The following RBFOX1 variants were observed in gnomAD, a reference collection of about 807,000 sequenced individuals.
The protein encoded by RBFOX1 is RNA binding fox-1 homolog 1, also known as RNA binding protein fox-1 homolog 1.
In RBFOX1, 8 loss-of-function variants were observed where a neutral mutation model predicts 57.7. That is an observed-to-expected ratio of 0.14 (90% confidence interval 0.08 to 0.25). The LOEUF (loss-of-function observed/expected upper bound fraction) is 0.25. Among genes scored for constraint, RBFOX1 ranks in the 10% least tolerant of loss-of-function variants. The probability of loss-of-function intolerance (pLI) is 1.00; values close to 1 mark genes in which losing one functional copy is unlikely to be tolerated. For synonymous variants in RBFOX1, 326 were observed against 222.4 expected (o/e 1.47, Z -4.15); for missense variants, 611 against 548.5 (o/e 1.11, Z -1.14).
chr16:5,666,588 A>T (rs543514288), intron 3 of RBFOX1, among the ~76,000 whole-genome samples: 1 of 152,342 alleles, frequency 6.6e-6, no homozygotes, highest in South Asian at 2.1e-4. Flanking sequence ...CCAACAGTGT[A>T]CTTAAAGACT....
chr16:7,124,718 T>C (rs1283594882), intron 4 of RBFOX1, among the ~76,000 whole-genome samples: 2 of 151,916 alleles, frequency 1.3e-5, no homozygotes, highest in Non-Finnish European at 2.9e-5. Context: ...AAAGACTCTA[T>C]ATCACATACG....
intron 4 of RBFOX1, among the ~76,000 whole-genome samples, chr16:7,382,372 C>T (rs1046406176): frequency 6.6e-6 from 1 of 152,160 alleles, no homozygotes; most frequent in African/African-American, 2.4e-5. Context: ...TTAAGCTGCT[C>T]TGGAATGTAT....
chr16:7,104,275 C>G (rs892527664), intron 4 of RBFOX1, among the ~76,000 whole-genome samples: 3 of 152,194 alleles, frequency 2.0e-5, no homozygotes, highest in Admixed American at 6.5e-5. Context: ...CACACTCACA[C>G]CCATTCACTG....
chr16:5,256,564 T>A (rs953212965), intron 1 of RBFOX1, among the ~76,000 whole-genome samples: 2 of 152,010 alleles, frequency 1.3e-5, no homozygotes, highest in Non-Finnish European at 2.9e-5. Context: ...GCTATTTGAA[T>A]GCAAAGTGTT....
chr16:7,102,314 G>C (rs1017198271), intron 4 of RBFOX1, among the ~76,000 whole-genome samples: 10 of 152,160 alleles, frequency 6.6e-5, no homozygotes, highest in African/African-American at 2.4e-4. Context: ...GATTCCCTTA[G>C]CCTATATGTG....
At chr16:6,864,978 A>G (rs2059645481) in intron 3 of RBFOX1, among the ~76,000 whole-genome samples, 3 of 132,146 alleles carry the variant, frequency 2.3e-5, no homozygotes, top group African/African-American at 9.4e-5. Flanking sequence ...CCAATGTTGG[A>G]GTGGGTTTTT....
chr16:6,987,661 A>C (rs1349743945), intron 3 of RBFOX1, among the ~76,000 whole-genome samples: 1 of 152,210 alleles, frequency 6.6e-6, no homozygotes, highest in Non-Finnish European at 1.5e-5. Context: ...GCCTCCACTG[A>C]CCTGCAGTTC....
intron 3 of RBFOX1, among the ~76,000 whole-genome samples, chr16:6,935,958 C>A (rs575527395): frequency 1.3e-5 from 2 of 152,320 alleles, no homozygotes; most frequent in Middle Eastern, 3.4e-3. Flanking sequence ...AATATGTCTG[C>A]TTTGCTTACA....
chr16:6,285,280 AT>A (rs1203422570), intron 1 of RBFOX1, among the ~76,000 whole-genome samples: 1 of 152,166 alleles, frequency 6.6e-6, no homozygotes, highest in Non-Finnish European at 1.5e-5. Context: ...TGACAAAGGC[AT>A]TTGATTAGAA....
intron 3 of RBFOX1, among the ~76,000 whole-genome samples, chr16:6,828,464 C>T (rs188617244): frequency 1.2e-3 from 177 of 151,858 alleles, no homozygotes; most frequent in South Asian, 1.0e-3. Context: ...GAAGAGGTTG[C>T]AGTCAGTCGA....
intron 4 of RBFOX1, among the ~76,000 whole-genome samples, chr16:7,242,011 C>T (rs9925760): frequency 6.6e-6 from 1 of 152,080 alleles, no homozygotes; most frequent in South Asian, 2.1e-4. Context: ...TTGGTAATCC[C>T]TTTTTTTGTG....
intron 4 of RBFOX1, among the ~76,000 whole-genome samples, chr16:7,144,054 C>T (rs895278165): frequency 3.9e-5 from 6 of 152,016 alleles, no homozygotes; most frequent in African/African-American, 1.5e-4. Context: ...GGCTGAGTTT[C>T]GGGTTGATGT....
intron 2 of RBFOX1, among the ~76,000 whole-genome samples, chr16:6,537,752 A>G (rs2096755254): frequency 6.6e-6 from 1 of 152,208 alleles, no homozygotes; most frequent in African/African-American, 2.4e-5. Context: ...AGAGAAGATA[A>G]TGTGGTTCCA....
At chr16:6,822,073 T>G (rs954474752) in intron 3 of RBFOX1, among the ~76,000 whole-genome samples, 2 of 152,110 alleles carry the variant, frequency 1.3e-5, no homozygotes, top group Non-Finnish European at 2.9e-5. Flanking sequence ...CTACTGCCAG[T>G]GAAATGGTTG....
At chr16:6,193,410 A>ATATATATAG (rs1555545440) in intron 1 of RBFOX1, among the ~76,000 whole-genome samples, 5 of 93,416 alleles carry the variant, frequency 5.4e-5, no homozygotes, top group Admixed American at 2.4e-4. Context: ...ATATATATAT[A>ATATATATAG]TATATATATA....
chr16:6,167,439 T>C (rs928624828), intron 1 of RBFOX1, among the ~76,000 whole-genome samples: 8 of 152,216 alleles, frequency 5.3e-5, no homozygotes, highest in Non-Finnish European at 4.4e-5. Context: ...CCTGCTGTTA[T>C]TGTTATCTCT....
At chr16:6,997,860 C>G (rs537821630) in intron 3 of RBFOX1, among the ~76,000 whole-genome samples, 2 of 152,056 alleles carry the variant, frequency 1.3e-5, no homozygotes, top group South Asian at 2.1e-4. Context: ...AAACAGTTAT[C>G]AGAACACCAG....
At chr16:7,510,454 T>C in intron 4 of RBFOX1, 7 of 653,676 alleles carry the variant, frequency 1.1e-5, no homozygotes, top group Non-Finnish European at 1.3e-5. Context: ...GGAGAGGAGT[T>C]TTGGTGAAGA....
intron 2 of RBFOX1, among the ~76,000 whole-genome samples, chr16:6,553,116 A>T (rs537763226): frequency 1.3e-5 from 2 of 152,320 alleles, no homozygotes; most frequent in Non-Finnish European, 2.9e-5. Flanking sequence ...CCTAGGTAAC[A>T]GGATGTGCCC....
Sources: allele counts gnomAD v4.1 joint callset (sites outside exome capture counted in the v4.1 genomes callset), GRCh38; gene constraint gnomAD v4.1.1; transcripts MANE v1.5; gene names NCBI Gene and HGNC (gene_info 2026-07-23, HGNC 2026-07-21).